Variants in ITGB3 observed in about 807,000 individuals in gnomAD.
The protein encoded by ITGB3 is integrin beta-3.
In ITGB3, 48 loss-of-function variants were observed where a neutral mutation model predicts 85.8. The observed-to-expected ratio is 0.56, with a 90% confidence interval of 0.44 to 0.71. The LOEUF (loss-of-function observed/expected upper bound fraction) is 0.71. Ranked by LOEUF, ITGB3 falls within the 30% of genes least tolerant of loss-of-function variation. The pLI is 0.00. For missense variants in ITGB3, 861 were observed against 1,019.1 expected (o/e 0.84, Z 2.11); for synonymous variants, 363 against 395.6 (o/e 0.92, Z 0.98).
At chr17:47,254,704 G>A (rs1208419901) in intron 1 of ITGB3, among the ~76,000 whole-genome samples, 2 of 152,180 alleles carry the variant, frequency 1.3e-5, no homozygotes, top group East Asian at 1.9e-4. Flanking sequence ...ACCGTCAGCC[G>A]TCAGGGCAAT....
intron 13 of ITGB3, 27 bp downstream of exon 13, chr17:47,302,867 C>G (rs1416275673): frequency 6.2e-7 from 1 of 1,613,744 alleles, no homozygotes; most frequent in Non-Finnish European, 8.5e-7. Flanking sequence ...GGCTCCCGGC[C>G]CTGCCCCAGG....
chr17:47,255,524 G>C (rs12942340), intron 1 of ITGB3, among the ~76,000 whole-genome samples: 59,460 of 150,788 alleles, frequency 0.39, 12,150 homozygotes, highest in East Asian at 0.55. Context: ...CGGGTTCAAG[G>C]GATTCTCCTG....
Position 47,284,477 on chromosome 17 carries a change from G to A in ITGB3, c.396G>A (p.Gln132=). Residue 132 remains glutamine, a synonymous_variant, in exon 4 of 15, where the codon CAG becomes CAA. Coordinates refer to ENST00000559488, the MANE Select transcript of ITGB3 (RefSeq NM_000212.3). ...AGAATTTCTCCATCCAAGTGCGGCA[G>A]GTGGAGGATTACCCTGTGGACATCT... The part of the protein sequence containing the change: ...DSKNFSIQVR[Q]VEDYPVDIYY... 1 of 1,614,140 alleles carries A rather than the reference G, an allele frequency of 6.2e-7. No individual in the cohort carries two copies. The highest frequency in any genetic ancestry group is 8.5e-7 in the Non-Finnish European group (1 of 1,180,010).
intron 10 of ITGB3, among the ~76,000 whole-genome samples, chr17:47,295,323 C>T (rs2065141513): frequency 1.3e-5 from 2 of 152,078 alleles, no homozygotes; most frequent in South Asian, 2.1e-4. Context: ...CGAGCATCAG[C>T]CCAGAAGGTC....
intron 10 of ITGB3, among the ~76,000 whole-genome samples, chr17:47,293,910 T>C (rs145659491): frequency 1.4e-4 from 22 of 152,330 alleles, no homozygotes; most frequent in African/African-American, 4.1e-4. Context: ...CCAGCCAGCA[T>C]TGGGGCTCTA....
chr17:47,304,867 T>A lies in ITGB3; in HGVS notation c.2134+2027T>A, dbSNP rs922484812. Among the ~76,000 whole-genome samples, 2 of 152,118 alleles carry A rather than the reference T, an allele frequency of 1.3e-5. 1 individual carries two copies. Among genetic ancestry groups the A allele is most frequent in the South Asian group, 4.1e-4 (2 of 4,824 alleles). On this transcript the variant is annotated intron_variant, in intron 13 of 14. Coordinates refer to ENST00000559488, the MANE Select transcript of ITGB3 (RefSeq NM_000212.3). ...AAGTGATCTGGCTGCCTTGGCCTCC[T>A]GAAGTGCTGGGATTCCAGGTGTGAG... is the stretch of plus-strand genomic sequence containing the variant.
chr17:47,291,176 C>T (rs573092762), intron 9 of ITGB3, 88 bp downstream of exon 9: 1 of 1,507,028 alleles, frequency 6.6e-7, no homozygotes, highest in East Asian at 2.3e-5. Flanking sequence ...AAAAATGGCC[C>T]CCTTCCACCA....
intron 14 of ITGB3, among the ~76,000 whole-genome samples, chr17:47,309,895 G>GAAAA (rs11354112): frequency 1.8e-5 from 2 of 113,052 alleles, no homozygotes; most frequent in Non-Finnish European, 3.7e-5. Context: ...GACCCTGTCT[G>GAAAA]AAAAAAAAAA....
rs1394094831 is a variant in ITGB3, at chr17:47,310,907, G to A, written c.*703G>A. Reference sequence around the variant, plus strand: ...GGAGTGAGGATGTCTGGGCCACTCAGGGGTCATTCATGGCCTGGGGGATGT... The same window carrying A: ...GGAGTGAGGATGTCTGGGCCACTCAAGGGTCATTCATGGCCTGGGGGATGT... On this transcript the variant is annotated 3_prime_UTR_variant, in exon 15 of 15. Coordinates refer to ENST00000559488, the MANE Select transcript of ITGB3 (RefSeq NM_000212.3). 1 of 158,270 alleles carries A rather than the reference G, an allele frequency of 6.3e-6. No homozygotes were observed. The highest frequency in any genetic ancestry group is 1.4e-5 in the Non-Finnish European group (1 of 71,000). 9.8% of individuals were successfully genotyped at this position (158,270 alleles called of 1,614,324 possible).
chr17:47,305,177 C>T (rs2065182914), intron 13 of ITGB3, among the ~76,000 whole-genome samples: 1 of 152,222 alleles, frequency 6.6e-6, no homozygotes, highest in South Asian at 2.1e-4. Flanking sequence ...AATTGAGGGT[C>T]AGCCCTACCC....
chr17:47,296,824 C>G (rs1277012169), intron 10 of ITGB3, among the ~76,000 whole-genome samples: 1 of 152,156 alleles, frequency 6.6e-6, no homozygotes, highest in East Asian at 1.9e-4. Context: ...CAAAGAGAAT[C>G]CTGGCCACAG....
intron 10 of ITGB3, among the ~76,000 whole-genome samples, chr17:47,293,169 T>G (rs2065133729): frequency 6.6e-6 from 1 of 152,228 alleles, no homozygotes; most frequent in Admixed American, 6.5e-5. Flanking sequence ...AAAGTTCTCT[T>G]GGATAGCACT....
chr17:47,286,810 G>A (rs2065104345), intron 5 of ITGB3, among the ~76,000 whole-genome samples: 1 of 152,224 alleles, frequency 6.6e-6, no homozygotes, highest in Admixed American at 6.5e-5. Context: ...CATTAGAAGA[G>A]TTAAGTTTGG....
intron 1 of ITGB3, among the ~76,000 whole-genome samples, chr17:47,269,771 C>G (rs759460114): frequency 4.6e-5 from 7 of 152,214 alleles, no homozygotes; most frequent in Non-Finnish European, 8.8e-5. Context: ...TTACTCAGTT[C>G]CAAAGTCACT....
chr17:47,302,836 G>C lies in ITGB3; in HGVS notation c.2130G>C (p.Glu710Asp). The part of the protein sequence containing the change: ...SGKSILYVVE[E>D]PECPKGPDIL... ...AGTCCATCCTGTATGTGGTAGAAGA[G>C]CCAGGTGAGTGAACCCTGACGGCTC... Residue 710 changes from glutamate to aspartate, a missense_variant, in exon 13 of 15, where the codon GAG becomes GAC. Transcript: ENST00000559488. 1 of 1,614,220 alleles carries C rather than the reference G, an allele frequency of 6.2e-7. No individual in the cohort carries two copies. The highest frequency in any genetic ancestry group is 8.5e-7 in the Non-Finnish European group (1 of 1,180,030).
At chr17:47,284,815 C>T (rs1453922781) in intron 4 of ITGB3, 120 bp downstream of exon 4, 5 of 1,358,008 alleles carry the variant, frequency 3.7e-6, no homozygotes, top group Admixed American at 3.5e-5. Context: ...ACTATAGCTC[C>T]TTTCTACCTT....
chr17:47,285,104 G>A (rs2065097919), intron 4 of ITGB3, among the ~76,000 whole-genome samples: 1 of 152,164 alleles, frequency 6.6e-6, no homozygotes, highest in Admixed American at 6.5e-5. Flanking sequence ...GAAAACAGAA[G>A]AAATGAAGTG....
intron 2 of ITGB3, among the ~76,000 whole-genome samples, chr17:47,275,036 G>A (rs1404932633): frequency 1.3e-5 from 2 of 152,154 alleles, no homozygotes; most frequent in Non-Finnish European, 2.9e-5. Context: ...TACGGATGGG[G>A]TTGGGAGGGG....
intron 13 of ITGB3, among the ~76,000 whole-genome samples, chr17:47,304,172 G>A (rs1441330490): frequency 2.0e-5 from 3 of 152,148 alleles, no homozygotes; most frequent in Non-Finnish European, 4.4e-5. Context: ...GGGATTACAG[G>A]TGTGAGCCAA....
Sources: allele counts gnomAD v4.1 joint callset (sites outside exome capture counted in the v4.1 genomes callset), GRCh38; gene constraint gnomAD v4.1.1; transcripts MANE v1.5; gene names NCBI Gene and HGNC (gene_info 2026-07-23, HGNC 2026-07-21).